KCNC2: variants seen among roughly 807,000 people sequenced by gnomAD.
The protein encoded by KCNC2 is voltage-gated potassium channel KCNC2.
KCNC2 carries 21 observed loss-of-function variants against 44.5 expected under a neutral mutation model. That is an observed-to-expected ratio of 0.47 (90% CI 0.33 to 0.68). The LOEUF (loss-of-function observed/expected upper bound fraction) is 0.68, where lower values mean the gene tolerates loss of function less well. Among genes scored for constraint, KCNC2 ranks in the 30% least tolerant of loss-of-function variants. The pLI, the probability that KCNC2 is intolerant of heterozygous loss-of-function variation, is 0.01. For missense variants in KCNC2, 589 were observed against 826.2 expected (o/e 0.71, Z 3.52); for synonymous variants, 391 against 339.1 (o/e 1.15, Z -1.68).
rs1456225331 is a variant in KCNC2, at chr12:75,042,454, T to C, written c.*651A>G. ...AAGTAAATCAATCAAGAAATTAAAC[T>C]ATTTAAAACATATATTTCTTTCAAA... On this transcript the variant is annotated 3_prime_UTR_variant, in exon 5 of 5. Coordinates refer to ENST00000549446, the MANE Select transcript of KCNC2 (RefSeq NM_139137.4). The C allele has an allele frequency of 6.5e-7, 1 of 1,538,476 alleles. No homozygotes were observed. The highest frequency in any genetic ancestry group is 8.8e-7 in the Non-Finnish European group (1 of 1,141,842).
chr12:75,179,309 C>T (rs1472114803), intron 2 of KCNC2, among the ~76,000 whole-genome samples: 2 of 151,814 alleles, frequency 1.3e-5, no homozygotes, highest in Non-Finnish European at 2.9e-5. Context: ...AAGAGACTAT[C>T]ATCTTCATCA....
intron 2 of KCNC2, among the ~76,000 whole-genome samples, chr12:75,088,835 T>A (rs10879884): frequency 0.41 from 61,691 of 151,768 alleles, 15,600 homozygotes; most frequent in Non-Finnish European, 0.58. Context: ...TAATCTAATA[T>A]ATAAAACAAC....
chr12:75,059,692 A>T (rs1383892578), intron 2 of KCNC2, among the ~76,000 whole-genome samples: 1 of 152,120 alleles, frequency 6.6e-6, no homozygotes, highest in Non-Finnish European at 1.5e-5. Context: ...GATTCTATAC[A>T]AGACCACAAA....
chr12:75,091,637 A>C (rs778861622), intron 2 of KCNC2, among the ~76,000 whole-genome samples: 4 of 151,658 alleles, frequency 2.6e-5, no homozygotes, highest in Non-Finnish European at 4.4e-5. Flanking sequence ...GTTTTTGTTT[A>C]GTTTATTTTT....
At chr12:75,147,176 A>G (rs1421278550) in intron 2 of KCNC2, among the ~76,000 whole-genome samples, 1 of 152,166 alleles carries the variant, frequency 6.6e-6, no homozygotes, top group Non-Finnish European at 1.5e-5. Flanking sequence ...CATTTTGTTG[A>G]CAATAGCAAT....
rs1891644777 is a variant in KCNC2, at chr12:75,169,092, A to C, written c.687+38205T>G. On this transcript the variant is annotated intron_variant, in intron 2 of 4. Coordinates refer to ENST00000549446, the MANE Select transcript of KCNC2 (RefSeq NM_139137.4). ...ATCTCTCCACTAAGTAATTTATTAC[A>C]GGGAGCCTTCTTTTCTGAAGCCCAG... Among the ~76,000 whole-genome samples the C allele has an allele frequency of 2.0e-5, 3 of 151,650 alleles. No individual in the cohort carries two copies. The South Asian group carries it at 6.2e-4, about 31-fold the overall frequency.
chr12:75,204,561 T>C (rs1565698039), intron 2 of KCNC2, among the ~76,000 whole-genome samples: 1 of 152,072 alleles, frequency 6.6e-6, no homozygotes, highest in Non-Finnish European at 1.5e-5. Flanking sequence ...TGTTAAAAAA[T>C]AAGAGTGTTT....
intron 2 of KCNC2, among the ~76,000 whole-genome samples, chr12:75,108,442 T>G (rs1886963183): frequency 6.6e-6 from 1 of 152,194 alleles, no homozygotes; most frequent in Non-Finnish European, 1.5e-5. Flanking sequence ...CATTGCCAGA[T>G]TAGGAGAAGA....
chr12:75,135,284 C>G (rs1366421601), intron 2 of KCNC2, among the ~76,000 whole-genome samples: 1 of 151,624 alleles, frequency 6.6e-6, no homozygotes, highest in Non-Finnish European at 1.5e-5. Context: ...GAATCCCTGA[C>G]CATCACAAGT....
At chr12:75,186,281 T>C (rs1343648923) in intron 2 of KCNC2, among the ~76,000 whole-genome samples, 1 of 152,040 alleles carries the variant, frequency 6.6e-6, no homozygotes, top group Non-Finnish European at 1.5e-5. Context: ...TCCATGCATC[T>C]TGTGCCTCTG....
At chr12:75,185,260 A>G (rs1243550795) in intron 2 of KCNC2, among the ~76,000 whole-genome samples, 1 of 152,168 alleles carries the variant, frequency 6.6e-6, no homozygotes, top group Non-Finnish European at 1.5e-5. Context: ...TATGTGATTG[A>G]TAAGTTTCAG....
chr12:75,194,834 G>T (rs1211524723), intron 2 of KCNC2, among the ~76,000 whole-genome samples: 1 of 152,108 alleles, frequency 6.6e-6, no homozygotes, highest in Admixed American at 6.6e-5. Context: ...AACAGATAAA[G>T]TTCTTTTAAA....
intron 2 of KCNC2, among the ~76,000 whole-genome samples, chr12:75,078,699 GA>G (rs1298984890): frequency 3.9e-5 from 6 of 152,168 alleles, no homozygotes; most frequent in African/African-American, 1.4e-4. Context: ...ATAGGTGGTA[GA>G]ACTGAGATTC....
intron 2 of KCNC2, among the ~76,000 whole-genome samples, chr12:75,148,620 A>ATTTCG: frequency 1.3e-5 from 2 of 152,016 alleles, no homozygotes; most frequent in Non-Finnish European, 2.9e-5. Flanking sequence ...TGTGTATTTC[A>ATTTCG]TGTTATATTT....
At chr12:75,117,860 T>C (rs755095137) in intron 2 of KCNC2, among the ~76,000 whole-genome samples, 8 of 152,142 alleles carry the variant, frequency 5.3e-5, no homozygotes, top group African/African-American at 9.7e-5. Flanking sequence ...ATGCCATAAT[T>C]TAGGGCAATG....
chr12:75,153,720 A>G (rs534938639), intron 2 of KCNC2, among the ~76,000 whole-genome samples: 1 of 152,098 alleles, frequency 6.6e-6, no homozygotes, highest in African/African-American at 2.4e-5. Context: ...TATTTTATAT[A>G]TGTATTATAT....
At chr12:75,120,822 G>T (rs979537382) in intron 2 of KCNC2, among the ~76,000 whole-genome samples, 28 of 152,034 alleles carry the variant, frequency 1.8e-4, no homozygotes, top group African/African-American at 6.1e-4. Flanking sequence ...TTGATTATTA[G>T]CAGCTTACAT....
At chr12:75,184,211 G>A (rs537491004) in intron 2 of KCNC2, among the ~76,000 whole-genome samples, 3 of 152,096 alleles carry the variant, frequency 2.0e-5, no homozygotes, top group Non-Finnish European at 4.4e-5. Flanking sequence ...TGTAGTCTCT[G>A]TGTGGCGTCA....
intron 2 of KCNC2, among the ~76,000 whole-genome samples, chr12:75,162,433 T>C (rs1891180743): frequency 6.6e-6 from 1 of 151,722 alleles, no homozygotes; most frequent in Non-Finnish European, 1.5e-5. Flanking sequence ...CTCAGGTTTG[T>C]GGGACTCTTT....
Sources: gnomAD v4.1 joint callset for allele counts (sites outside exome capture counted in the v4.1 genomes callset) on GRCh38, gnomAD v4.1.1 for gene constraint, MANE v1.5 for transcripts, NCBI Gene and HGNC (gene_info 2026-07-23, HGNC 2026-07-21) for gene names.